Variants in NLRP13 observed in about 807,000 individuals in gnomAD.
NLRP13 encodes the protein NLR family pyrin domain containing 13, also known as NACHT, LRR and PYD domains-containing protein 13.
A neutral mutation model predicts 94.4 loss-of-function variants in NLRP13; 82 were observed. The ratio of observed to expected loss-of-function variants is 0.87; its 90% CI spans 0.73 to 1.04. The LOEUF (loss-of-function observed/expected upper bound fraction) is 1.04, where lower values mean the gene tolerates loss of function less well. Among genes scored for constraint, NLRP13 ranks in the 50% least tolerant of loss-of-function variants. The pLI is 0.00. For synonymous variants in NLRP13, 553 were observed against 464.7 expected (o/e 1.19, Z -2.45); for missense variants, 1,426 against 1,230.8 (o/e 1.16, Z -2.37).
downstream of NLRP13, among the ~76,000 whole-genome samples, chr19:55,895,622 G>T (rs1242973997): frequency 1.3e-5 from 2 of 152,158 alleles, no homozygotes; most frequent in African/African-American, 4.8e-5. Flanking sequence ...GGTGGAGGTT[G>T]CAGTGAATCA....
At chr19:55,922,748 C>A (rs1194790672) in intron 4 of NLRP13, among the ~76,000 whole-genome samples, 1 of 152,216 alleles carries the variant, frequency 6.6e-6, no homozygotes, top group East Asian at 1.9e-4. Flanking sequence ...ATACTGAACA[C>A]TGATGCTGCT....
At chr19:55,899,019 C>A in intron 9 of NLRP13, 82 bp from the exon 10 acceptor site, 1 of 1,432,318 alleles carries the variant, frequency 7.0e-7, no homozygotes, top group South Asian at 1.4e-5. Context: ...CATCTCACGT[C>A]CAAGGAAAGG....
At position 55,924,613 on chromosome 19, in the gene NLRP13, A is replaced by G. The variant is rs778977715; in HGVS notation, c.434T>C (p.Leu145Pro). Reference protein sequence around the residue: ...QGCQDPNQEELDELEEETGNV... With the variant: ...QGCQDPNQEEPDELEEETGNV... Reference sequence around the variant, plus strand: ...ACCTGTTTCTTCTTCTAGCTCGTCTAGTTCTTCTTGGTTTGGATCTTGGCA... The same window carrying G: ...ACCTGTTTCTTCTTCTAGCTCGTCTGGTTCTTCTTGGTTTGGATCTTGGCA... The change falls in exon 3 of 11, where the codon CTA (leucine) becomes CCA (proline). Residue 145 changes from leucine (L) to proline (P), a missense_variant. By Grantham distance (98) the Leu-to-Pro change is moderately conservative. Transcript: ENST00000342929. The G allele has an allele frequency of 3.7e-6, 6 of 1,612,944 alleles. No homozygotes were observed. The South Asian group carries it at 5.5e-5, about 15-fold the overall frequency.
chr19:55,908,725 G>C (rs1767713909), intron 6 of NLRP13, among the ~76,000 whole-genome samples: 1 of 152,278 alleles, frequency 6.6e-6, no homozygotes. Flanking sequence ...TAAATGATGA[G>C]AACACATGGA....
At chr19:55,910,301 C>T (rs1427991701) in intron 6 of NLRP13, among the ~76,000 whole-genome samples, 1 of 152,218 alleles carries the variant, frequency 6.6e-6, no homozygotes, top group Non-Finnish European at 1.5e-5. Context: ...TCAAATCCAG[C>T]TCAAAACAGG....
chr19:55,912,503 C>T lies in NLRP13; in HGVS notation c.1314G>A (p.Pro438=), dbSNP rs61742924. Residue 438 remains proline (P), a synonymous_variant, in exon 5 of 11, where the codon CCG becomes CCA. Transcript: ENST00000342929. ...ACTGGAGATCGTAATACCTCACCTT[C>T]GGCTGCTTCAGACAGGAACATACGG... ...CWTVCSCLKQ[P]KVRYYDLQSI... is the part of the protein sequence containing the mutation. 25,602 of 1,614,116 alleles carry T rather than the reference C, an allele frequency of 0.016. 315 individuals carry two copies. Among genetic ancestry groups the T allele is most frequent in the Non-Finnish European group, 0.016 (19,331 of 1,180,012 alleles).
chr19:55,897,069 A>G (rs1260034301), intron 10 of NLRP13, among the ~76,000 whole-genome samples: 1 of 152,204 alleles, frequency 6.6e-6, no homozygotes, highest in Non-Finnish European at 1.5e-5. Flanking sequence ...TAGCACTATT[A>G]TTCCTTATTT....
chr19:55,915,599 AAAAC>A (rs559468332), intron 4 of NLRP13, among the ~76,000 whole-genome samples: 134 of 152,300 alleles, frequency 8.8e-4, no homozygotes, highest in Non-Finnish European at 1.2e-3. Flanking sequence ...CTCTGTCTCA[AAAAC>A]AAACAAAACA....
chr19:55,924,619 T>G lies in NLRP13; in HGVS notation c.428A>C (p.Glu143Ala). ...QTQGCQDPNQ[E>A]ELDELEEETG... ...TTCTTCTTCTAGCTCGTCTAGTTCT[T>G]CTTGGTTTGGATCTTGGCATCCCTG... Residue 143 changes from glutamate (E) to alanine (A), a missense_variant, in exon 3 of 11, where the codon GAA becomes GCA. Physicochemically the swap from Glu to Ala is moderately radical, Grantham distance 107. Transcript: ENST00000342929. 1.2e-6 allele frequency: 2 copies of G among 1,613,708 alleles called. No individual in the cohort carries two copies. Among genetic ancestry groups the G allele is most frequent in the Non-Finnish European group, 1.7e-6 (2 of 1,179,758 alleles).
intron 4 of NLRP13, among the ~76,000 whole-genome samples, chr19:55,919,121 T>C (rs1157885964): frequency 6.6e-6 from 1 of 151,978 alleles, no homozygotes; most frequent in Non-Finnish European, 1.5e-5. Context: ...AAACAAAAAC[T>C]ATATGATCAT....
downstream of NLRP13, chr19:55,892,133 G>A: frequency 8.1e-7 from 1 of 1,231,816 alleles, no homozygotes; most frequent in Non-Finnish European, 1.0e-6. Flanking sequence ...TGCAAAATAA[G>A]AAGTACTGAA....
chr19:55,927,676 A>T (rs1010894209), intron 1 of NLRP13, among the ~76,000 whole-genome samples: 2 of 152,156 alleles, frequency 1.3e-5, no homozygotes, highest in Middle Eastern at 3.2e-3. Flanking sequence ...CAGATAAAAA[A>T]AACTACCCCA....
downstream of NLRP13, among the ~76,000 whole-genome samples, chr19:55,895,116 G>A (rs1985966134): frequency 6.7e-6 from 1 of 149,874 alleles, no homozygotes; most frequent in Non-Finnish European, 1.5e-5. Flanking sequence ...TGGTGGCCAG[G>A]AGCAGTGGCT....
At position 55,911,848 on chromosome 19, in the gene NLRP13, G is replaced by T. The variant is rs773294612; in HGVS notation, c.1969C>A (p.Arg657Ser). ...ATATTAAGGTCAACTTCAAAGATAC[G>T]ACCCAACATCTTCTTTGTGAAGTCT... ...EEDFTKKMLG[R>S]IFEVDLNILE... The change falls in exon 5 of 11, where the codon CGT becomes AGT. Residue 657 changes from arginine (R) to serine (S), a missense_variant. Arg to Ser is a moderately radical substitution (Grantham distance 110). Transcript: ENST00000342929. The T allele has an allele frequency of 1.9e-6, 3 of 1,613,982 alleles. No individual in the cohort carries two copies.
In NLRP13 at chr19:55,900,775, T is replaced by TAAAA. The variant is rs3073241; in HGVS notation, c.2789+1256_2789+1259dup. On this transcript the variant is annotated intron_variant, in intron 9 of 10. Coordinates refer to ENST00000342929, the MANE Select transcript of NLRP13 (RefSeq NM_176810.2). ...TGAGTGACAGAACAAGACTCCATCT[T>TAAAA]AAAAAAAAAAAAAAAATCTAGAACC... 6.1e-3 allele frequency among the ~76,000 whole-genome samples: 819 copies of TAAAA among 134,184 alleles called. 17 individuals carry two copies. The highest frequency in any genetic ancestry group is 8.6e-3 in the African/African-American group (304 of 35,524). The allele number at this position is 134,184 out of a possible 152,430, so 88.0% of individuals were successfully genotyped here.
intron 1 of NLRP13, among the ~76,000 whole-genome samples, chr19:55,928,632 CCT>C (rs1227401954): frequency 1.3e-5 from 2 of 152,248 alleles, no homozygotes; most frequent in East Asian, 3.9e-4. Context: ...AGAGCATTCT[CCT>C]CTGTGCTAAT....
At chr19:55,925,647 G>A (rs1359413314) in intron 1 of NLRP13, among the ~76,000 whole-genome samples, 3 of 152,120 alleles carry the variant, frequency 2.0e-5, no homozygotes, top group Admixed American at 2.0e-4. Context: ...CACTCTGAAT[G>A]TCCCCTTCCT....
intron 4 of NLRP13, among the ~76,000 whole-genome samples, chr19:55,923,068 A>G (rs1241041869): frequency 2.6e-5 from 4 of 152,168 alleles, no homozygotes; most frequent in African/African-American, 9.7e-5. Flanking sequence ...TTAGAACTAG[A>G]ATGTATGTTT....
At chr19:55,905,846 C>A (rs1986330931) in intron 7 of NLRP13, among the ~76,000 whole-genome samples, 1 of 152,198 alleles carries the variant, frequency 6.6e-6, no homozygotes, top group South Asian at 2.1e-4. Flanking sequence ...GTTGTCCAGG[C>A]ATTGCCAAAT....
Sources: allele counts gnomAD v4.1 joint callset (sites outside exome capture counted in the v4.1 genomes callset), GRCh38; gene constraint gnomAD v4.1.1; transcripts MANE v1.5; gene names NCBI Gene and HGNC (gene_info 2026-07-23, HGNC 2026-07-21).